The following EVA1C variants were observed in gnomAD, a reference collection of about 807,000 sequenced individuals.
EVA1C encodes the protein eva-1 homolog C, also known as protein eva-1 homolog C.
Under a neutral mutation model 45.4 loss-of-function variants are expected in EVA1C, and 25 were observed. That is an observed-to-expected ratio of 0.55 (90% CI 0.40 to 0.77). The LOEUF (loss-of-function observed/expected upper bound fraction) is 0.77, where lower values mean the gene tolerates loss of function less well. Ranked by LOEUF, EVA1C falls within the 30% of genes least tolerant of loss-of-function variation. EVA1C has a pLI of 0.00. For missense variants in EVA1C, 479 were observed against 554.8 expected (o/e 0.86, Z 1.37); for synonymous variants, 190 against 221.2 (o/e 0.86, Z 1.25).
intron 5 of EVA1C, chr21:32,496,884 T>G: frequency 9.3e-7 from 1 of 1,077,478 alleles, no homozygotes; most frequent in Non-Finnish European, 1.4e-6. Context: ...TCAGAGTTGA[T>G]GTTGGAGGGA....
At chr21:32,483,962 ATGTGTGTGTGTGTGTGTGTG>A (rs55688415) in intron 4 of EVA1C, among the ~76,000 whole-genome samples, 9 of 147,232 alleles carry the variant, frequency 6.1e-5, no homozygotes, top group Admixed American at 4.7e-4. Flanking sequence ...CTCACTGTTT[ATGTGTGTGTGTGTGTGTGTG>A]TGTGTGTGTG....
intron 4 of EVA1C, among the ~76,000 whole-genome samples, chr21:32,476,701 T>G (rs957065653): frequency 2.0e-5 from 3 of 151,990 alleles, no homozygotes; most frequent in African/African-American, 7.3e-5. Context: ...GGGGCATGTG[T>G]GTGATCCCCC....
rs376545647 is a variant in EVA1C, at chr21:32,508,693, C to T, written c.949+4678C>T. ...GCTTTCTTCTGGACAACTCTCGGGC[C>T]CTGACTGCTGCCTCGATCCTCTCAA... On this transcript the variant is annotated intron_variant, in intron 7 of 7. Coordinates refer to ENST00000300255, the MANE Select transcript of EVA1C (RefSeq NM_058187.5). Among the ~76,000 whole-genome samples, 145 of 152,322 alleles carry T rather than the reference C, an allele frequency of 9.5e-4. 2 individuals are homozygous for T. Among genetic ancestry groups the T allele is most frequent in the Middle Eastern group, 3.4e-3 (1 of 294 alleles).
chr21:32,472,494 C>T (rs370151058), intron 4 of EVA1C, among the ~76,000 whole-genome samples: 14 of 152,000 alleles, frequency 9.2e-5, no homozygotes, highest in East Asian at 3.9e-4. Flanking sequence ...GTATACCAGA[C>T]GCAGTGGTTT....
At chr21:32,466,314 G>A (rs1256558813) in intron 3 of EVA1C, among the ~76,000 whole-genome samples, 1 of 151,716 alleles carries the variant, frequency 6.6e-6, no homozygotes, top group African/African-American at 2.4e-5. Flanking sequence ...AGCTACTTGG[G>A]AGGCTGAGGC....
intron 3 of EVA1C, among the ~76,000 whole-genome samples, chr21:32,464,835 G>T (rs1308702472): frequency 6.6e-6 from 1 of 151,988 alleles, no homozygotes. Context: ...AAAACAAAAA[G>T]GTGACATTTA....
At chr21:32,461,541 C>T (rs182028955) in intron 3 of EVA1C, among the ~76,000 whole-genome samples, 1 of 152,326 alleles carries the variant, frequency 6.6e-6, no homozygotes, top group East Asian at 1.9e-4. Context: ...GAGCAGGACA[C>T]TGTGATTGTC....
intron 1 of EVA1C, among the ~76,000 whole-genome samples, chr21:32,426,181 C>G (rs2833813): frequency 0.39 from 58,821 of 151,896 alleles, 12,082 homozygotes; most frequent in African/African-American, 0.52. Flanking sequence ...AGGACCTTGT[C>G]TATGTGTTTG....
intron 2 of EVA1C, among the ~76,000 whole-genome samples, chr21:32,453,800 C>T (rs1314023079): frequency 6.6e-6 from 1 of 152,220 alleles, no homozygotes; most frequent in Admixed American, 6.5e-5. Context: ...TAGCAAAGTA[C>T]AACCAGGATG....
chr21:32,509,470 A>G (rs1440317002), intron 7 of EVA1C, among the ~76,000 whole-genome samples: 1 of 152,126 alleles, frequency 6.6e-6, no homozygotes, highest in African/African-American at 2.4e-5. Flanking sequence ...GAGGAGAGGG[A>G]AAAAAAGGGA....
chr21:32,477,694 G>A (rs1243442471), intron 4 of EVA1C, among the ~76,000 whole-genome samples: 1 of 146,648 alleles, frequency 6.8e-6, no homozygotes, highest in Non-Finnish European at 1.5e-5. Flanking sequence ...GGAGCCATAC[G>A]CTCTCACCTC....
At chr21:32,497,170 GATAGTA>G in intron 5 of EVA1C, 1 of 795,698 alleles carries the variant, frequency 1.3e-6, no homozygotes, top group Non-Finnish European at 2.3e-6. Context: ...ATCCACTGAA[GATAGTA>G]TTTGGAATGA....
chr21:32,488,775 A>G (rs1014316576), intron 4 of EVA1C, among the ~76,000 whole-genome samples: 2 of 152,096 alleles, frequency 1.3e-5, no homozygotes, highest in South Asian at 2.1e-4. Flanking sequence ...TAGTAGAGAC[A>G]GGGTTTCACC....
chr21:32,425,967 T>G (rs73903325), intron 1 of EVA1C, among the ~76,000 whole-genome samples: 2,392 of 152,170 alleles, frequency 0.016, 70 homozygotes, highest in African/African-American at 0.055. Context: ...GAACACTTTT[T>G]TTTTTTAAAT....
chr21:32,484,513 C>T (rs2036903181), intron 4 of EVA1C, among the ~76,000 whole-genome samples: 1 of 150,654 alleles, frequency 6.6e-6, no homozygotes, highest in Non-Finnish European at 1.5e-5. Flanking sequence ...CAATGCGCTC[C>T]AGCCTGGGCG....
At chr21:32,463,269 C>T (rs2036064429) in intron 3 of EVA1C, among the ~76,000 whole-genome samples, 1 of 152,176 alleles carries the variant, frequency 6.6e-6, no homozygotes, top group Non-Finnish European at 1.5e-5. Context: ...CCTTCCCAGG[C>T]CCCTGCCATC....
chr21:32,433,776 C>T (rs1601240978), intron 1 of EVA1C, among the ~76,000 whole-genome samples: 1 of 151,994 alleles, frequency 6.6e-6, no homozygotes, highest in East Asian at 1.9e-4. Context: ...CAAAATGTGG[C>T]ATATTTGGAG....
At chr21:32,464,817 C>T (rs908493229) in intron 3 of EVA1C, among the ~76,000 whole-genome samples, 11 of 151,912 alleles carry the variant, frequency 7.2e-5, no homozygotes, top group African/African-American at 1.2e-4. Flanking sequence ...AGTGAGACCC[C>T]GTCTCAAAAA....
intron 4 of EVA1C, among the ~76,000 whole-genome samples, chr21:32,491,337 G>T (rs918850035): frequency 6.6e-6 from 1 of 151,970 alleles, no homozygotes; most frequent in Admixed American, 6.6e-5. Context: ...CTGAGGAGTC[G>T]GACTTGGTCA....
Sources: allele counts gnomAD v4.1 joint callset (sites outside exome capture counted in the v4.1 genomes callset), GRCh38; gene constraint gnomAD v4.1.1; transcripts MANE v1.5; gene names NCBI Gene and HGNC (gene_info 2026-07-23, HGNC 2026-07-21).